MAGI2: variants seen among roughly 807,000 people sequenced by gnomAD.
MAGI2 encodes the protein membrane associated guanylate kinase, WW and PDZ domain containing 2.
A neutral mutation model predicts 133.3 loss-of-function variants in MAGI2; 35 were observed. The ratio of observed to expected loss-of-function variants is 0.26; its 90% CI spans 0.20 to 0.35. The LOEUF (loss-of-function observed/expected upper bound fraction) is 0.35, where lower values mean the gene tolerates loss of function less well. Among genes scored for constraint, MAGI2 ranks in the 10% least tolerant of loss-of-function variants. The pLI, the probability that MAGI2 is intolerant of heterozygous loss-of-function variation, is 1.00. For synonymous variants in MAGI2, 729 were observed against 710.6 expected (o/e 1.03, Z -0.41); for missense variants, 1,636 against 1,863.4 (o/e 0.88, Z 2.25).
intron 1 of MAGI2, among the ~76,000 whole-genome samples, chr7:79,175,240 T>C (rs2129549514): frequency 6.6e-6 from 1 of 152,092 alleles, no homozygotes; most frequent in East Asian, 1.9e-4. Context: ...ACTGACTGAT[T>C]TTCTCTGTGT....
chr7:78,071,834 A>G (rs918902012), intron 21 of MAGI2, among the ~76,000 whole-genome samples: 2 of 152,250 alleles, frequency 1.3e-5, no homozygotes, highest in Admixed American at 6.5e-5. Context: ...GAATGTCAGA[A>G]GCTGAAATTA....
At chr7:79,146,715 T>G (rs756904235) in intron 1 of MAGI2, among the ~76,000 whole-genome samples, 3 of 152,244 alleles carry the variant, frequency 2.0e-5, no homozygotes, top group Non-Finnish European at 4.4e-5. Flanking sequence ...CCATCATGAT[T>G]GTGAGGCCTC....
chr7:78,452,120 A>C (rs529156814), intron 6 of MAGI2, among the ~76,000 whole-genome samples: 2 of 152,056 alleles, frequency 1.3e-5, no homozygotes, highest in African/African-American at 4.8e-5. Context: ...CTGAGTGTGG[A>C]CTGTGTTCTA....
intron 2 of MAGI2, among the ~76,000 whole-genome samples, chr7:78,658,140 TG>T (rs1812510261): frequency 6.6e-6 from 1 of 152,210 alleles, no homozygotes; most frequent in Admixed American, 6.5e-5. Flanking sequence ...CAGGAGTTTT[TG>T]TACTACAAGT....
At chr7:79,024,794 A>T (rs775298225) in intron 1 of MAGI2, among the ~76,000 whole-genome samples, 9 of 152,110 alleles carry the variant, frequency 5.9e-5, no homozygotes, top group Non-Finnish European at 1.3e-4. Flanking sequence ...AAATCAAACC[A>T]CAATGAGATA....
At chr7:78,930,000 G>C (rs1420636707) in intron 2 of MAGI2, among the ~76,000 whole-genome samples, 1 of 152,060 alleles carries the variant, frequency 6.6e-6, no homozygotes, top group African/African-American at 2.4e-5. Context: ...TTGGGGCTGG[G>C]ATTTTAAGAC....
chr7:78,596,174 TGAAG>T (rs1236063595), intron 3 of MAGI2, among the ~76,000 whole-genome samples: 18 of 55,264 alleles, frequency 3.3e-4, no homozygotes, highest in South Asian at 3.2e-3. Context: ...AGGGAAGAAA[TGAAG>T]GAAGGGAGGG....
intron 1 of MAGI2, among the ~76,000 whole-genome samples, chr7:79,300,347 T>C (rs1837297710): frequency 6.6e-6 from 1 of 152,194 alleles, no homozygotes; most frequent in Admixed American, 6.5e-5. Context: ...GAAATCTTAT[T>C]GGAAACTGGA....
At chr7:79,436,054 T>C (rs1848120412) in intron 1 of MAGI2, among the ~76,000 whole-genome samples, 1 of 152,190 alleles carries the variant, frequency 6.6e-6, no homozygotes, top group South Asian at 2.1e-4. Flanking sequence ...GCTGAGATAT[T>C]GGCTATCCAT....
rs1466417599 is a variant in MAGI2, at chr7:78,161,370, T to A, written c.2597-1097A>T. ...GAAGCAGGCACCTAGAATAATGTAA[T>A]TAGAAATAGGGTTGCTTTCATTTCC... is the stretch of plus-strand genomic sequence containing the variant. On this transcript the variant is annotated intron_variant, in intron 15 of 21. Transcript: ENST00000354212. Among the ~76,000 whole-genome samples the A allele has an allele frequency of 9.2e-5, 14 of 152,136 alleles. No homozygotes were observed. In the East Asian group the frequency reaches 2.7e-3, roughly 29 times the overall value.
At chr7:78,740,093 G>A (rs953631307) in intron 2 of MAGI2, among the ~76,000 whole-genome samples, 5 of 151,710 alleles carry the variant, frequency 3.3e-5, no homozygotes, top group Admixed American at 6.6e-5. Context: ...CCCGGGAGGT[G>A]GAGCTTGCAG....
At chr7:78,613,080 T>C (rs1806649332) in intron 3 of MAGI2, among the ~76,000 whole-genome samples, 2 of 152,112 alleles carry the variant, frequency 1.3e-5, no homozygotes, top group Non-Finnish European at 2.9e-5. Context: ...TTCAGGCAAA[T>C]ATAAGTACAT....
intron 6 of MAGI2, among the ~76,000 whole-genome samples, chr7:78,482,955 T>C (rs992871858): frequency 4.0e-5 from 6 of 151,172 alleles, no homozygotes; most frequent in African/African-American, 1.5e-4. Context: ...AAATATGATC[T>C]TGTATATATG....
chr7:78,813,798 A>C (rs1789298066), intron 2 of MAGI2, among the ~76,000 whole-genome samples: 1 of 151,386 alleles, frequency 6.6e-6, no homozygotes, highest in African/African-American at 2.4e-5. Flanking sequence ...AAAAAAAAAA[A>C]AAAAAACACA....
At chr7:78,669,248 G>C (rs544693275) in intron 2 of MAGI2, among the ~76,000 whole-genome samples, 1 of 151,912 alleles carries the variant, frequency 6.6e-6, no homozygotes, top group Admixed American at 6.6e-5. Context: ...TATCACCACC[G>C]ATCCCACAGA....
chr7:78,878,028 TC>T (rs1476417717), intron 2 of MAGI2, among the ~76,000 whole-genome samples: 2 of 152,220 alleles, frequency 1.3e-5, no homozygotes, highest in African/African-American at 4.8e-5. Flanking sequence ...AGTGACACAT[TC>T]TTTAACCTCT....
At chr7:79,078,505 T>G (rs1004420548) in intron 1 of MAGI2, among the ~76,000 whole-genome samples, 1 of 152,190 alleles carries the variant, frequency 6.6e-6, no homozygotes, top group African/African-American at 2.4e-5. Context: ...ATTCTAAAGT[T>G]GGAATGTCTA....
At chr7:78,704,652 A>G (rs1175854823) in intron 2 of MAGI2, among the ~76,000 whole-genome samples, 2 of 152,082 alleles carry the variant, frequency 1.3e-5, no homozygotes, top group Non-Finnish European at 2.9e-5. Context: ...GTCAACCTAA[A>G]TGCCCATTAA....
chr7:78,930,455 T>A (rs1427537898), intron 2 of MAGI2, among the ~76,000 whole-genome samples: 1 of 152,130 alleles, frequency 6.6e-6, no homozygotes, highest in Non-Finnish European at 1.5e-5. Flanking sequence ...GGTGCAGTTC[T>A]GTCTTTTCTT....
Sources: gnomAD v4.1 joint callset for allele counts (sites outside exome capture counted in the v4.1 genomes callset) on GRCh38, gnomAD v4.1.1 for gene constraint, MANE v1.5 for transcripts, NCBI Gene and HGNC (gene_info 2026-07-23, HGNC 2026-07-21) for gene names.